HLTF: variants seen among roughly 807,000 people sequenced by gnomAD.
HLTF encodes the protein helicase like transcription factor, also known as DNA-dependent ATPase/E3 ubiquitin-protein ligase HLTF.
In HLTF, 127 loss-of-function variants were observed where a neutral mutation model predicts 129.4. The observed-to-expected ratio is 0.98, with a 90% confidence interval of 0.85 to 1.14. HLTF has a LOEUF of 1.14. Among genes scored for constraint, HLTF ranks in the 50% most tolerant of loss-of-function variants. The pLI, the probability that HLTF is intolerant of heterozygous loss-of-function variation, is 0.00. For synonymous variants in HLTF, 332 were observed against 388.8 expected (o/e 0.85, Z 1.72); for missense variants, 1,139 against 1,187.1 (o/e 0.96, Z 0.60).
rs200083068 is a variant in HLTF at position 149,063,437 on chromosome 3, G to C, written c.1154C>G (p.Pro385Arg). ...TCAAACCATAATAGTTTACCTTTTG[G>C]GGCGGGAGCTAGACAATTCTGACAT... is the stretch of plus-strand genomic sequence containing the variant. ...FRMSELSSSR[P>R]KRRKTAVQYI... The change falls in exon 10 of 25, where the codon CCC becomes CGC. Residue 385 changes from proline (P) to arginine (R), a missense_variant. Pro to Arg is a moderately radical substitution (Grantham distance 103). Coordinates refer to ENST00000310053, the MANE Select transcript of HLTF (RefSeq NM_003071.4). 1.1e-5 allele frequency: 17 copies of C among 1,576,790 alleles called. No individual in the cohort carries two copies. The highest frequency in any genetic ancestry group is 1.4e-5 in the Non-Finnish European group (16 of 1,146,340).
intron 10 of HLTF, chr3:149,063,021 A>G (rs1477075335): frequency 2.0e-5 from 9 of 455,590 alleles, no homozygotes; most frequent in Middle Eastern, 6.6e-4. Context: ...TGAAAGAACT[A>G]CTTAACAAAT....
At chr3:149,082,185 G>C (rs1230578399) in intron 2 of HLTF, among the ~76,000 whole-genome samples, 1 of 152,144 alleles carries the variant, frequency 6.6e-6, no homozygotes, top group Non-Finnish European at 1.5e-5. Context: ...GTGGCCGGGC[G>C]CAGTGGCTCA....
chr3:149,079,373 T>TAAAAAAAAAAAAAAAAAAAAAAAAA (rs71135659), intron 2 of HLTF, among the ~76,000 whole-genome samples: 1 of 57,238 alleles, frequency 1.7e-5, no homozygotes, highest in African/African-American at 6.3e-5. Flanking sequence ...CGACAGTTTC[T>TAAAAAAAAAAAAAAAAAAAAAAAAA]AAAAAAAAAA....
Position 149,042,212 on chromosome 3 carries a change from G to A in HLTF, c.2151C>T (p.Cys717=). The change falls in exon 19 of 25, where the codon TGC becomes TGT. Residue 717 remains cysteine (C), a synonymous_variant. Transcript: ENST00000310053. The part of the protein sequence containing the change: ...GLLLRLRQIC[C]HTYLLTNAVS... ...CTGCATTTGTAAGAAGGTAAGTATG[G>A]CAACAAATTTGCCGCAGTCTAAGCA... 6.2e-7 allele frequency: 1 copy of A among 1,613,226 alleles called. No homozygotes were observed. Among genetic ancestry groups the A allele is most frequent in the Non-Finnish European group, 8.5e-7 (1 of 1,179,288 alleles).
At chr3:149,055,450 A>G (rs879527940) in intron 13 of HLTF, 50 bp from the exon 14 acceptor site, 10 of 1,205,178 alleles carry the variant, frequency 8.3e-6, no homozygotes, top group African/African-American at 1.5e-5. Flanking sequence ...TCTGAAATAT[A>G]TATGTCAATA....
At chr3:149,069,768 A>G (rs1427237548) in intron 7 of HLTF, among the ~76,000 whole-genome samples, 1 of 152,222 alleles carries the variant, frequency 6.6e-6, no homozygotes, top group Admixed American at 6.5e-5. Context: ...GAACAAAGTG[A>G]GGCTGTCATC....
Position 149,059,867 on chromosome 3 carries a change from G to A in HLTF, c.1286-60C>T, listed in dbSNP as rs1717779099. ...AAATTATCTCCTGTGCTAGAGTACAGGTACTTTCTAAGGGTAAGAAATAGA... is the reference window on the plus strand; with the variant it reads ...AAATTATCTCCTGTGCTAGAGTACAAGTACTTTCTAAGGGTAAGAAATAGA... On this transcript the variant is annotated intron_variant, in intron 12 of 24. Transcript: ENST00000310053. 7.0e-5 allele frequency: 69 copies of A among 984,108 alleles called. 2 individuals carry two copies. The South Asian group carries it at 9.6e-4, about 14-fold the overall frequency. 61.0% of individuals were successfully genotyped at this position (984,108 alleles called of 1,614,324 possible).
Position 149,048,136 on chromosome 3 carries a change from T to G in HLTF, c.1784A>C (p.Asp595Ala). 1 of 1,609,252 alleles carries G rather than the reference T, an allele frequency of 6.2e-7. No individual in the cohort carries two copies. The highest frequency in any genetic ancestry group is 8.5e-7 in the Non-Finnish European group (1 of 1,178,338). Residue 595 changes from aspartate (D) to alanine (A), a missense_variant, in exon 17 of 25, where the codon GAC (aspartate) becomes GCC (alanine). Transcript: ENST00000310053. ...TAAAAAGGAAAGAAGAGACCACAAG[T>G]CCTTTAAAGAATTCTGGATTGGAGT... ...TGTPIQNSLK[D>A]LWSLLSFLKL...
intron 13 of HLTF, among the ~76,000 whole-genome samples, chr3:149,057,088 C>A (rs1272691622): frequency 3.9e-5 from 4 of 103,574 alleles, no homozygotes; most frequent in African/African-American, 1.6e-4. Context: ...CCAGCCTGGG[C>A]GACAGCGAGA....
rs941294281 is a variant in HLTF, at chr3:149,030,616, A to C, written c.*1604T>G. The C allele has an allele frequency of 6.6e-6, 1 of 152,170 alleles. No individual in the cohort carries two copies. The highest frequency in any genetic ancestry group is 1.5e-5 in the Non-Finnish European group (1 of 68,028). The allele number at this position is 152,170 out of a possible 1,614,324, so 9.4% of individuals were successfully genotyped here. A position where few individuals can be genotyped will look rare whatever the true frequency, so the allele number is the denominator to read the frequency against. On this transcript the variant is annotated 3_prime_UTR_variant, in exon 25 of 25. Coordinates refer to ENST00000310053, the MANE Select transcript of HLTF (RefSeq NM_003071.4). ...TATATGGAGAACCCATACTCTGATCAACTTGATTTTTTGTGTGTAATGCTT... is the reference window on the plus strand; with the variant it reads ...TATATGGAGAACCCATACTCTGATCCACTTGATTTTTTGTGTGTAATGCTT...
chr3:149,084,006 GAGATTTTATTACAA>G (rs1000371528), intron 2 of HLTF, among the ~76,000 whole-genome samples: 12 of 151,876 alleles, frequency 7.9e-5, no homozygotes, highest in South Asian at 2.1e-4. Flanking sequence ...TTAGGATATG[GAGATTTTATTACAA>G]AGATTTTATT....
At chr3:149,066,724 G>A (rs896944995) in intron 8 of HLTF, among the ~76,000 whole-genome samples, 1 of 152,032 alleles carries the variant, frequency 6.6e-6, no homozygotes, top group Non-Finnish European at 1.5e-5. Context: ...TGAGACTAAA[G>A]CAGTAAGTAG....
chr3:149,045,329 T>C (rs1716453680), intron 18 of HLTF, among the ~76,000 whole-genome samples: 1 of 152,168 alleles, frequency 6.6e-6, no homozygotes, highest in African/African-American at 2.4e-5. Context: ...GCATTCCCCA[T>C]CCCCTTTCGT....
At chr3:149,054,939 A>G (rs1037114726) in intron 14 of HLTF, among the ~76,000 whole-genome samples, 2 of 152,232 alleles carry the variant, frequency 1.3e-5, no homozygotes, top group Admixed American at 1.3e-4. Flanking sequence ...TGTTATAAAA[A>G]TAAGTTATTG....
chr3:149,063,306 C>T lies in HLTF; in HGVS notation c.1160+125G>A, dbSNP rs375040421. 1.5e-4 allele frequency: 93 copies of T among 615,944 alleles called. No individual in the cohort carries two copies. In the East Asian group the frequency reaches 2.5e-3, roughly 17 times the overall value. The allele number at this position is 615,944 out of a possible 1,614,324, so 38.2% of individuals were successfully genotyped here. On this transcript the variant is annotated intron_variant, in intron 10 of 24. Coordinates refer to ENST00000310053, the MANE Select transcript of HLTF (RefSeq NM_003071.4). ...CAATCTCCTGACCTCATGATCCGCC[C>T]GCCTCGGCCTCCCAAAGTGCTGGGA...
chr3:149,068,272 T>A lies in HLTF; in HGVS notation c.958A>T (p.Ile320Phe). 6.4e-7 allele frequency: 1 copy of A among 1,564,636 alleles called. No homozygotes were observed. Among genetic ancestry groups the A allele is most frequent in the Non-Finnish European group, 8.8e-7 (1 of 1,140,550 alleles). ...TNFHDGRPLP[I>F]ERVKKNLLKK... is the part of the protein sequence containing the mutation. ...AGTAGATTCTTTTTAACTCTTTCAATAGGAAGAGGTCTGCCATCATGGAAG... is the reference window on the plus strand; with the variant it reads ...AGTAGATTCTTTTTAACTCTTTCAAAAGGAAGAGGTCTGCCATCATGGAAG... Residue 320 changes from isoleucine to phenylalanine, a missense_variant, in exon 8 of 25, where the codon ATT becomes TTT. Physicochemically the swap from Ile to Phe is conservative, Grantham distance 21. Transcript: ENST00000310053.
chr3:149,082,422 G>A (rs1191888700), intron 2 of HLTF, among the ~76,000 whole-genome samples: 2 of 152,144 alleles, frequency 1.3e-5, no homozygotes, highest in African/African-American at 4.8e-5. Flanking sequence ...TCCCGCCACT[G>A]CGCTCCAGCC....
At chr3:149,056,159 T>C (rs1717415438) in intron 13 of HLTF, among the ~76,000 whole-genome samples, 1 of 152,200 alleles carries the variant, frequency 6.6e-6, no homozygotes, top group African/African-American at 2.4e-5. Context: ...CATAAGCCAT[T>C]AAACCATCCA....
chr3:149,077,178 G>A lies in HLTF; in HGVS notation c.229-1131C>T, dbSNP rs758799142. The stretch of plus-strand genomic sequence containing the variant: ...CAGGAGAACCACTTGAACCCGGCAG[G>A]CAGAGGTTGCAGTGAGCCAAGATAG... On this transcript the variant is annotated intron_variant, in intron 2 of 24. Transcript: ENST00000310053. 1.2e-4 allele frequency among the ~76,000 whole-genome samples: 18 copies of A among 152,094 alleles called. 1 individual carries two copies. The Middle Eastern group carries it at 0.014, about 115-fold the overall frequency.
Sources: gnomAD v4.1 joint callset for allele counts (sites outside exome capture counted in the v4.1 genomes callset) on GRCh38, gnomAD v4.1.1 for gene constraint, MANE v1.5 for transcripts, NCBI Gene and HGNC (gene_info 2026-07-23, HGNC 2026-07-21) for gene names.